The following SPAST variants were observed in gnomAD, a reference collection of about 807,000 sequenced individuals.
SPAST encodes the protein spastin.
In SPAST, 30 loss-of-function variants were observed where a neutral mutation model predicts 76.6. The ratio of observed to expected loss-of-function variants is 0.39; its 90% CI spans 0.29 to 0.53. SPAST has a LOEUF of 0.53. SPAST is among the 20% of genes least tolerant of loss of function. The pLI is 0.68. For synonymous variants in SPAST, 305 were observed against 281.0 expected (o/e 1.09, Z -0.86); for missense variants, 717 against 770.5 (o/e 0.93, Z 0.82).
intron 4 of SPAST, among the ~76,000 whole-genome samples, chr2:32,109,577 A>G (rs1006045772): frequency 1.3e-5 from 2 of 150,804 alleles, no homozygotes; most frequent in African/African-American, 4.9e-5. Flanking sequence ...CAATGCTTCT[A>G]TAATGATTCC....
At chr2:32,113,092 G>T (rs1050350309) in intron 4 of SPAST, among the ~76,000 whole-genome samples, 1 of 151,896 alleles carries the variant, frequency 6.6e-6, no homozygotes, top group Non-Finnish European at 1.5e-5. Context: ...ATATGTAAAA[G>T]CACATCTTTA....
Position 32,063,705 on chromosome 2 carries a change from G to C in SPAST, c.-127G>C. 1 of 1,301,172 alleles carries C rather than the reference G, an allele frequency of 7.7e-7. No homozygotes were observed. Among genetic ancestry groups the C allele is most frequent in the Non-Finnish European group, 1.0e-6 (1 of 959,616 alleles). The allele number at this position is 1,301,172 out of a possible 1,614,324, so 80.6% of individuals were successfully genotyped here. A position where few individuals can be genotyped will look rare whatever the true frequency, so the allele number is the denominator to read the frequency against. On this transcript the variant is annotated 5_prime_UTR_variant, in exon 1 of 17. Transcript: ENST00000315285. ...CCGGCGGGCAGCGTGCGGCAGTGCG[G>C]AGCTCCTGAGACCGGCGGGCACACG...
chr2:32,138,797 T>C (rs987507885), intron 12 of SPAST, among the ~76,000 whole-genome samples: 3 of 152,224 alleles, frequency 2.0e-5, no homozygotes, highest in African/African-American at 7.2e-5. Context: ...TTTGAGATCT[T>C]ACATTTAAAT....
chr2:32,153,851 C>A (rs1340503180), intron 16 of SPAST, among the ~76,000 whole-genome samples: 1 of 151,902 alleles, frequency 6.6e-6, no homozygotes, highest in South Asian at 2.1e-4. Flanking sequence ...CCAAGGTGGG[C>A]GGATCACCTG....
intron 5 of SPAST, 110 bp downstream of exon 5, chr2:32,114,935 G>A: frequency 2.5e-6 from 2 of 786,546 alleles, no homozygotes; most frequent in Non-Finnish European, 4.2e-6. Context: ...TTTAGAGAAT[G>A]GATAAGTTTC....
chr2:32,086,463 A>T (rs1391669788), intron 1 of SPAST, among the ~76,000 whole-genome samples: 3 of 68,632 alleles, frequency 4.4e-5, no homozygotes, highest in Non-Finnish European at 6.0e-5. Flanking sequence ...GACTCTGTTT[A>T]AAAAAAAAAA....
chr2:32,127,135 G>A (rs559477093), intron 8 of SPAST, 113 bp downstream of exon 8: 7 of 781,096 alleles, frequency 9.0e-6, no homozygotes, highest in East Asian at 5.2e-5. Context: ...TTTTGCTATT[G>A]TACACTTTTG....
intron 4 of SPAST, among the ~76,000 whole-genome samples, chr2:32,108,870 A>G (rs1229448827): frequency 1.5e-5 from 2 of 135,882 alleles, no homozygotes; most frequent in Admixed American, 8.8e-5. Flanking sequence ...GGTTCAACCC[A>G]TTCTCCTGCC....
rs369861454 is a variant in SPAST at position 32,117,011 on chromosome 2, A to G, written c.1098+799A>G. ...TACGGTAGTTCACGCCTGTAATCCC[A>G]GCACTTTGGGAGGCTGAGGCGGGCA... On this transcript the variant is annotated intron_variant, in intron 7 of 16. Transcript: ENST00000315285. 3.0e-4 allele frequency among the ~76,000 whole-genome samples: 46 copies of G among 152,138 alleles called. No individual in the cohort carries two copies. In the South Asian group the frequency reaches 9.5e-3, roughly 32 times the overall value.
At chr2:32,114,569 A>G (rs561910912) in intron 4 of SPAST, 69 bp from the exon 5 acceptor site, 3 of 1,232,434 alleles carry the variant, frequency 2.4e-6, no homozygotes, top group East Asian at 4.7e-5. Context: ...TTGGTTTTAC[A>G]AATGTTTGCT....
intron 9 of SPAST, among the ~76,000 whole-genome samples, chr2:32,133,512 T>C (rs1258567744): frequency 2.0e-5 from 3 of 152,236 alleles, no homozygotes; most frequent in Non-Finnish European, 4.4e-5. Context: ...TTTGTGTGTA[T>C]GTGTATTTGG....
chr2:32,147,424 G>A (rs1679929726), intron 16 of SPAST, among the ~76,000 whole-genome samples, 166 bp downstream of exon 16: 1 of 125,142 alleles, frequency 8.0e-6, no homozygotes, highest in Non-Finnish European at 1.6e-5. Context: ...CTGGATTCAA[G>A]CTATTCTCCT....
chr2:32,073,061 C>T (rs1213890241), intron 1 of SPAST, among the ~76,000 whole-genome samples: 1 of 148,028 alleles, frequency 6.8e-6, no homozygotes, highest in Admixed American at 6.8e-5. Context: ...GACTTTATCC[C>T]TTGTTCTGTT....
Position 32,116,212 on chromosome 2 carries a change from G to A in SPAST, c.1098G>A (p.Glu366=). ...TTATTCTTCCTTCTCTGAGGCCTGAGGTAAGAACTTTATATTATCATTTTT... is the reference window on the plus strand; with the variant it reads ...TTATTCTTCCTTCTCTGAGGCCTGAAGTAAGAACTTTATATTATCATTTTT... ...EIVILPSLRP[E]LFTGLRAPAR... The change falls in exon 7 of 17, where the codon GAG becomes GAA. Residue 366 remains glutamate (E), a splice_region_variant and synonymous_variant. Transcript: ENST00000315285. 2 of 1,602,234 alleles carry A rather than the reference G, an allele frequency of 1.2e-6. No homozygotes were observed. Among genetic ancestry groups the A allele is most frequent in the Admixed American group, 1.7e-5 (1 of 59,976 alleles).
chr2:32,088,080 GT>G (rs1677564415), intron 2 of SPAST, among the ~76,000 whole-genome samples: 1 of 151,810 alleles, frequency 6.6e-6, no homozygotes, highest in South Asian at 2.1e-4. Context: ...TGAAGATGGG[GT>G]TTTGCCACGT....
chr2:32,091,155 G>C (rs906092171), intron 3 of SPAST, among the ~76,000 whole-genome samples: 2 of 151,652 alleles, frequency 1.3e-5, no homozygotes, highest in African/African-American at 4.8e-5. Context: ...TATTTGGTAA[G>C]CAGGTAAACC....
rs190989715 is a variant in SPAST at position 32,089,405 on chromosome 2, A to T, written c.503-117A>T. The T allele has an allele frequency of 0.013, 8,232 of 618,984 alleles. 124 individuals carry two copies. Among genetic ancestry groups the T allele is most frequent in the South Asian group, 0.044 (2,420 of 55,226 alleles). The allele number at this position is 618,984 out of a possible 1,614,324, so 38.3% of individuals were successfully genotyped here. A position where few individuals can be genotyped will look rare whatever the true frequency, so the allele number is the denominator to read the frequency against. Reference sequence around the variant, plus strand: ...GGTATACATTTTCTTCTTTTTTTTAAAAAAAAATTTCTGTATAAAGACTGT... The same window carrying T: ...GGTATACATTTTCTTCTTTTTTTTATAAAAAAATTTCTGTATAAAGACTGT... On this transcript the variant is annotated intron_variant, in intron 2 of 16. Transcript: ENST00000315285.
rs1679888200 is a variant in SPAST, at chr2:32,146,436, CT to C, written c.1688-781del. ...ATTAACCAGGCCCGTTGGCATGAGC[CT>C]GTAATCCCAGCTACTCGGGAGTCTG... On this transcript the variant is annotated intron_variant, in intron 15 of 16. Transcript: ENST00000315285. 6.6e-5 allele frequency among the ~76,000 whole-genome samples: 10 copies of C among 152,222 alleles called. 1 individual carries two copies. In the South Asian group the frequency reaches 2.1e-3, roughly 32 times the overall value.
chr2:32,121,226 C>G (rs1407322117), intron 7 of SPAST, among the ~76,000 whole-genome samples: 1 of 152,172 alleles, frequency 6.6e-6, no homozygotes, highest in Non-Finnish European at 1.5e-5. Context: ...AACCTCAGCT[C>G]ACTGCAACCT....
Sources: allele counts gnomAD v4.1 joint callset (sites outside exome capture counted in the v4.1 genomes callset), GRCh38; gene constraint gnomAD v4.1.1; transcripts MANE v1.5; gene names NCBI Gene and HGNC (gene_info 2026-07-23, HGNC 2026-07-21).